Variants in ADAM10 observed in about 807,000 individuals in gnomAD.
The protein encoded by ADAM10 is disintegrin and metalloproteinase domain-containing protein 10.
A neutral mutation model predicts 90.1 loss-of-function variants in ADAM10; 17 were observed. That is an observed-to-expected ratio of 0.19 (90% CI 0.13 to 0.28). The LOEUF is 0.28. Ranked by LOEUF, ADAM10 falls within the 10% of genes least tolerant of loss-of-function variation. The pLI, the probability that ADAM10 is intolerant of heterozygous loss-of-function variation, is 1.00. For synonymous variants in ADAM10, 310 were observed against 298.6 expected (o/e 1.04, Z -0.40); for missense variants, 610 against 914.3 (o/e 0.67, Z 4.29).
In ADAM10 at chr15:58,646,036, A is replaced by G; in HGVS notation, c.735+19T>C. ...AAAACAATATGGGAACTACTAAAAT[A>G]GCGCATAATCATAAATACCTGGGCA... On this transcript the variant is annotated intron_variant, in intron 6 of 15. Transcript: ENST00000260408. The G allele has an allele frequency of 6.2e-7, 1 of 1,612,084 alleles. No homozygotes were observed. The highest frequency in any genetic ancestry group is 8.5e-7 in the Non-Finnish European group (1 of 1,178,766).
chr15:58,710,021 G>C (rs1043298477), intron 2 of ADAM10, among the ~76,000 whole-genome samples: 1 of 152,092 alleles, frequency 6.6e-6, no homozygotes, highest in Non-Finnish European at 1.5e-5. Flanking sequence ...AGTGGCTCAC[G>C]CCTGTAATCC....
chr15:58,645,653 A>T (rs1177337521), intron 6 of ADAM10, among the ~76,000 whole-genome samples: 1 of 152,188 alleles, frequency 6.6e-6, no homozygotes, highest in Non-Finnish European at 1.5e-5. Flanking sequence ...TTATACTTTA[A>T]TGAGGGTTGA....
At chr15:58,646,950 A>G (rs1596025079) in intron 5 of ADAM10, among the ~76,000 whole-genome samples, 1 of 152,150 alleles carries the variant, frequency 6.6e-6, no homozygotes, top group Non-Finnish European at 1.5e-5. Context: ...CACACAGTCT[A>G]TCTCCTGCCA....
At chr15:58,680,500 A>G (rs80236739) in intron 3 of ADAM10, among the ~76,000 whole-genome samples, 4,053 of 152,360 alleles carry the variant, frequency 0.027, 77 homozygotes, top group Non-Finnish European at 0.043. Flanking sequence ...CAGTACTTTT[A>G]AAGATATTGG....
At chr15:58,739,491 G>A (rs759709429) in intron 1 of ADAM10, among the ~76,000 whole-genome samples, 5 of 151,838 alleles carry the variant, frequency 3.3e-5, no homozygotes, top group South Asian at 2.1e-4. Context: ...CACTCCAGCC[G>A]GGGTGACAGA....
chr15:58,664,155 A>C (rs1338033921), intron 5 of ADAM10, among the ~76,000 whole-genome samples: 1 of 152,028 alleles, frequency 6.6e-6, no homozygotes, highest in East Asian at 1.9e-4. Flanking sequence ...CTCATGGCTA[A>C]CCTAACTCCT....
chr15:58,736,768 A>G (rs572743891), intron 1 of ADAM10, among the ~76,000 whole-genome samples: 22 of 152,214 alleles, frequency 1.4e-4, no homozygotes, highest in African/African-American at 5.1e-4. Flanking sequence ...TATCGAAAAA[A>G]GCCTCTATGT....
At chr15:58,716,520 T>C (rs1898663597) in intron 2 of ADAM10, among the ~76,000 whole-genome samples, 1 of 152,204 alleles carries the variant, frequency 6.6e-6, no homozygotes, top group African/African-American at 2.4e-5. Flanking sequence ...GACTAGAAGA[T>C]CATTCTGGGT....
chr15:58,721,697 C>A (rs1410473723), intron 1 of ADAM10, among the ~76,000 whole-genome samples: 1 of 152,028 alleles, frequency 6.6e-6, no homozygotes, highest in Non-Finnish European at 1.5e-5. Context: ...CCAGCCTAGG[C>A]AACATAGAAA....
intron 6 of ADAM10, among the ~76,000 whole-genome samples, chr15:58,645,565 G>A (rs906979227): frequency 6.6e-6 from 1 of 152,022 alleles, no homozygotes; most frequent in Admixed American, 6.6e-5. Context: ...CAAATCCTTT[G>A]AGTCAAAAGT....
Position 58,655,898 on chromosome 15 carries a change from C to G in ADAM10, c.585+9199G>C, listed in dbSNP as rs796661623. Reference sequence around the variant, plus strand: ...AGTAGCTGGGATTACAGATGCCCACCACCACACCCAGCTAATTTTTCTATT... The same window carrying G: ...AGTAGCTGGGATTACAGATGCCCACGACCACACCCAGCTAATTTTTCTATT... On this transcript the variant is annotated intron_variant, in intron 5 of 15. Transcript: ENST00000260408. Among the ~76,000 whole-genome samples, 219 of 150,462 alleles carry G rather than the reference C, an allele frequency of 1.5e-3. 1 individual carries two copies. Among genetic ancestry groups the G allele is most frequent in the African/African-American group, 4.9e-3 (202 of 40,956 alleles).
chr15:58,650,474 G>T (rs1315564960), intron 5 of ADAM10, among the ~76,000 whole-genome samples: 2 of 152,080 alleles, frequency 1.3e-5, no homozygotes, highest in Non-Finnish European at 2.9e-5. Context: ...CTTATTCTTA[G>T]GGAGTAGTCC....
At chr15:58,634,307 A>C (rs1286551908) in intron 8 of ADAM10, among the ~76,000 whole-genome samples, 1 of 151,974 alleles carries the variant, frequency 6.6e-6, no homozygotes, top group African/African-American at 2.4e-5. Context: ...GTCTAAAAAA[A>C]AAAAAAAGAA....
intron 2 of ADAM10, among the ~76,000 whole-genome samples, chr15:58,693,393 A>G (rs1320382430): frequency 6.6e-6 from 1 of 152,232 alleles, no homozygotes; most frequent in African/African-American, 2.4e-5. Context: ...TACAGTAACC[A>G]AACAGTGGCA....
At chr15:58,618,817 TAA>T (rs1331851732) in intron 11 of ADAM10, among the ~76,000 whole-genome samples, 2 of 151,774 alleles carry the variant, frequency 1.3e-5, no homozygotes, top group African/African-American at 4.8e-5. Flanking sequence ...ATACACCCAG[TAA>T]AAATGACCAT....
At chr15:58,679,096 G>C (rs1286841861) in intron 4 of ADAM10, 28 bp downstream of exon 4, 1 of 1,601,622 alleles carries the variant, frequency 6.2e-7, no homozygotes, top group African/African-American at 1.3e-5. Context: ...TTTTGAAAAA[G>C]GCTACTTGAT....
At chr15:58,683,728 C>T (rs778656008) in intron 2 of ADAM10, among the ~76,000 whole-genome samples, 18 of 151,840 alleles carry the variant, frequency 1.2e-4, no homozygotes, top group Non-Finnish European at 2.2e-4. Flanking sequence ...GGCATGGTGG[C>T]TTGCACCTCT....
At chr15:58,702,486 C>T (rs1309749922) in intron 2 of ADAM10, among the ~76,000 whole-genome samples, 4 of 152,054 alleles carry the variant, frequency 2.6e-5, no homozygotes, top group South Asian at 4.1e-4. Context: ...ATAGAAATAA[C>T]GAATACTTGA....
intron 2 of ADAM10, among the ~76,000 whole-genome samples, chr15:58,715,721 A>G (rs1898637324): frequency 6.6e-6 from 1 of 152,190 alleles, no homozygotes; most frequent in Non-Finnish European, 1.5e-5. Context: ...TCACTCATGC[A>G]AACTCTCTCG....
Sources: allele counts gnomAD v4.1 joint callset (sites outside exome capture counted in the v4.1 genomes callset), GRCh38; gene constraint gnomAD v4.1.1; transcripts MANE v1.5; gene names NCBI Gene and HGNC (gene_info 2026-07-23, HGNC 2026-07-21).